Variants in CALN1 observed in about 807,000 individuals in gnomAD.
CALN1 encodes the protein calneuron 1.
A neutral mutation model predicts 30.6 loss-of-function variants in CALN1; 17 were observed. That is an observed-to-expected ratio of 0.56 (90% confidence interval 0.38 to 0.83). The LOEUF (loss-of-function observed/expected upper bound fraction) is 0.83. Ranked by LOEUF, CALN1 falls within the 40% of genes least tolerant of loss-of-function variation. The probability of loss-of-function intolerance (pLI) is 0.00; values close to 1 mark genes in which losing one functional copy is unlikely to be tolerated. For synonymous variants in CALN1, 156 were observed against 131.4 expected, an observed-to-expected ratio of 1.19 and a Z score of -1.28; for missense variants, 291 against 354.9, an observed-to-expected ratio of 0.82 and a Z score of 1.45.
At chr7:72,299,380 G>A (rs1799090560) in intron 2 of CALN1, among the ~76,000 whole-genome samples, 1 of 152,042 alleles carries the variant, frequency 6.6e-6, no homozygotes, top group African/African-American at 2.4e-5. Context: ...GACTATTTAA[G>A]AGGAGAAAAA....
intron 2 of CALN1, among the ~76,000 whole-genome samples, chr7:72,297,871 T>C (rs1325150071): frequency 6.6e-6 from 1 of 152,202 alleles, no homozygotes; most frequent in Non-Finnish European, 1.5e-5. Context: ...CTGAAAGCAG[T>C]TGCATTTTCA....
intron 2 of CALN1, among the ~76,000 whole-genome samples, chr7:72,391,622 G>C (rs1171113429): frequency 2.6e-5 from 4 of 152,156 alleles, no homozygotes; most frequent in Non-Finnish European, 5.9e-5. Context: ...TCATGGAGGG[G>C]GTTTCCCTCA....
chr7:72,080,514 A>G (rs917311993), intron 4 of CALN1, among the ~76,000 whole-genome samples: 3 of 152,134 alleles, frequency 2.0e-5, no homozygotes, highest in Non-Finnish European at 4.4e-5. Flanking sequence ...GTGTTCAACT[A>G]ATGTCTGTGG....
At chr7:71,942,955 G>A (rs918652252) in intron 5 of CALN1, among the ~76,000 whole-genome samples, 1 of 152,100 alleles carries the variant, frequency 6.6e-6, no homozygotes, top group Non-Finnish European at 1.5e-5. Flanking sequence ...ACTTGTCTGT[G>A]ACCTGGAAGT....
At chr7:71,890,382 T>C (rs1793171266) in intron 5 of CALN1, among the ~76,000 whole-genome samples, 1 of 152,170 alleles carries the variant, frequency 6.6e-6, no homozygotes, top group Non-Finnish European at 1.5e-5. Context: ...GTGGGACTAG[T>C]CCATGTTCTC....
chr7:72,402,440 G>T (rs1335568497), intron 2 of CALN1, among the ~76,000 whole-genome samples: 1 of 152,154 alleles, frequency 6.6e-6, no homozygotes, highest in African/African-American at 2.4e-5. Context: ...GAAGCTGGTG[G>T]CTAAAGCTGG....
intron 3 of CALN1, among the ~76,000 whole-genome samples, chr7:72,141,971 T>A (rs746481693): frequency 6.6e-6 from 1 of 152,046 alleles, no homozygotes; most frequent in Non-Finnish European, 1.5e-5. Flanking sequence ...ACATTTCAGG[T>A]TGAAATATGA....
At position 72,313,215 on chromosome 7, in the gene CALN1, A is replaced by G. The variant is rs558966727; in HGVS notation, c.120-34405T>C. The stretch of plus-strand genomic sequence containing the variant: ...AGAATGGAGAAGAAACAAAAGATTT[A>G]GAGGTCAACCCAGATGAGTATGGTA... On this transcript the variant is annotated intron_variant, in intron 2 of 6. Coordinates refer to ENST00000395275, the MANE Select transcript of CALN1 (RefSeq NM_031468.4). 2.0e-5 allele frequency among the ~76,000 whole-genome samples: 3 copies of G among 152,318 alleles called. No homozygotes were observed. In the South Asian group the frequency reaches 6.2e-4, roughly 32 times the overall value.
intron 5 of CALN1, among the ~76,000 whole-genome samples, chr7:72,014,863 T>TAGCC (rs1800288640): frequency 8.5e-5 from 13 of 152,050 alleles, no homozygotes; most frequent in Non-Finnish European, 1.0e-4. Flanking sequence ...GGATCTTGCT[T>TAGCC]TGTTACCCAG....
intron 5 of CALN1, among the ~76,000 whole-genome samples, chr7:71,845,091 C>A: frequency 6.6e-6 from 1 of 152,022 alleles, no homozygotes; most frequent in Non-Finnish European, 1.5e-5. Flanking sequence ...ACCATATTGG[C>A]CAGGCTGGTC....
At position 72,377,630 on chromosome 7, in the gene CALN1, T is replaced by C. The variant is rs192747819; in HGVS notation, c.119+25621A>G. Among the ~76,000 whole-genome samples the C allele has an allele frequency of 7.7e-3, 1,170 of 152,318 alleles. 17 individuals are homozygous for C. Among genetic ancestry groups the C allele is most frequent in the African/African-American group, 0.027 (1,116 of 41,556 alleles). ...TTTAGCAACTTCTCTGAACTAATTT[T>C]GTAAAGTCTGTATTATTTGTCGTAT... On this transcript the variant is annotated intron_variant, in intron 2 of 6. Coordinates refer to ENST00000395275, the MANE Select transcript of CALN1 (RefSeq NM_031468.4).
chr7:72,061,796 CAAAAAA>C (rs1161510912), intron 4 of CALN1, among the ~76,000 whole-genome samples: 1 of 85,134 alleles, frequency 1.2e-5, no homozygotes, highest in African/African-American at 4.8e-5. Flanking sequence ...GACTCTGTCT[CAAAAAA>C]AAAAAAAAAA....
At chr7:72,454,978 T>A in the CALN1 span, among the ~76,000 whole-genome samples, 2 of 152,040 alleles carry the variant, frequency 1.3e-5, no homozygotes, top group African/African-American at 4.8e-5. Flanking sequence ...ATTACAGGCA[T>A]GCCCCACCAT....
rs528306328 is a variant in CALN1 at position 72,288,784 on chromosome 7, G to T, written c.120-9974C>A. On this transcript the variant is annotated intron_variant, in intron 2 of 6. Transcript: ENST00000395275. ...TTGTTTATGATTTTTGCACTGCTTT[G>T]TCCTTCTATGTTATTGTCCAGTGTC... Among the ~76,000 whole-genome samples, 5 of 152,140 alleles carry T rather than the reference G, an allele frequency of 3.3e-5. No homozygotes were observed. In the South Asian group the frequency reaches 1.0e-3, roughly 32 times the overall value.
chr7:72,194,592 C>CTTTTT (rs1181135798), intron 3 of CALN1, among the ~76,000 whole-genome samples: 17 of 115,686 alleles, frequency 1.5e-4, no homozygotes, highest in African/African-American at 4.9e-4. Context: ...TAACTGGCCT[C>CTTTTT]TTTTTTTTTT....
At chr7:72,159,893 C>G (rs1787977050) in intron 3 of CALN1, among the ~76,000 whole-genome samples, 1 of 152,168 alleles carries the variant, frequency 6.6e-6, no homozygotes, top group Admixed American at 6.5e-5. Context: ...GTGAAAGAAA[C>G]AGATATCTCT....
At chr7:72,362,213 T>C (rs1803614697) in intron 2 of CALN1, among the ~76,000 whole-genome samples, 1 of 152,224 alleles carries the variant, frequency 6.6e-6, no homozygotes, top group Non-Finnish European at 1.5e-5. Context: ...ACAGCTTCGT[T>C]CGTTGCTAAC....
intron 1 of CALN1, among the ~76,000 whole-genome samples, chr7:72,424,133 A>G (rs1007712657): frequency 6.6e-6 from 1 of 152,148 alleles, no homozygotes; most frequent in African/African-American, 2.4e-5. Flanking sequence ...CAGGAGCCAG[A>G]GAGCACTGAA....
chr7:71,981,025 C>T (rs2129527169), intron 5 of CALN1, among the ~76,000 whole-genome samples: 1 of 152,250 alleles, frequency 6.6e-6, no homozygotes, highest in Middle Eastern at 3.4e-3. Context: ...GACACCGCCA[C>T]ACTGCCCGTG....
Sources: gnomAD v4.1 joint callset for allele counts (sites outside exome capture counted in the v4.1 genomes callset) on GRCh38, gnomAD v4.1.1 for gene constraint, MANE v1.5 for transcripts, NCBI Gene and HGNC (gene_info 2026-07-23, HGNC 2026-07-21) for gene names.